ZNF534: variants seen among roughly 807,000 people sequenced by gnomAD.
The protein encoded by ZNF534 is KRAB domain only 3.
In ZNF534, 19 loss-of-function variants were observed where a neutral mutation model predicts 13.6. The ratio of observed to expected loss-of-function variants is 1.40; its 90% CI spans 0.97 to 2.05. The LOEUF (loss-of-function observed/expected upper bound fraction) is 2.05. ZNF534 is among the 30% of genes most tolerant of loss of function. The pLI is 0.00. For missense variants in ZNF534, 782 were observed against 796.3 expected (o/e 0.98, Z 0.22); for synonymous variants, 244 against 273.8 (o/e 0.89, Z 1.07).
chr19:52,451,486 C>T, exon 5 of ZNF534: 1 of 567,310 alleles, frequency 1.8e-6, no homozygotes, highest in Non-Finnish European at 3.1e-6. Flanking sequence ...GCAGAGGCTG[C>T]CGCGGAGCTA....
Position 52,431,519 on chromosome 19 carries a change from G to A in ZNF534, c.15+30G>A, listed in dbSNP as rs749597973. ...GGTAATGTTCTCAGTGGATTGTTCTGTCTCTGTTTCTTCCTGAAATGCCAG... is the reference window on the plus strand; with the variant it reads ...GGTAATGTTCTCAGTGGATTGTTCTATCTCTGTTTCTTCCTGAAATGCCAG... On this transcript the variant is annotated intron_variant, in intron 2 of 4. Transcript: ENST00000433050. The A allele has an allele frequency of 2.5e-6, 4 of 1,613,702 alleles. 1 individual carries two copies. The African/African-American group carries it at 4.0e-5, about 16-fold the overall frequency.
chr19:52,444,010 ATTT>A (rs1428735352), downstream of ZNF534, among the ~76,000 whole-genome samples: 1 of 151,220 alleles, frequency 6.6e-6, no homozygotes, highest in African/African-American at 2.4e-5. Flanking sequence ...TAAATCAGGG[ATTT>A]CTTCTTGGTT....
chr19:52,443,074 G>A (rs1291392006), downstream of ZNF534, among the ~76,000 whole-genome samples: 1 of 152,172 alleles, frequency 6.6e-6, no homozygotes, highest in Admixed American at 6.5e-5. Flanking sequence ...GGAAGGGGTG[G>A]TCACCTCCTC....
chr19:52,451,774 G>C (rs2059218152), exon 5 of ZNF534: 1 of 684,092 alleles, frequency 1.5e-6, no homozygotes, highest in African/African-American at 1.8e-5. Flanking sequence ...AGGAAATGTT[G>C]GTGTTGTACT....
Position 52,438,473 on chromosome 19 carries a change from A to G in ZNF534, c.1013A>G (p.Lys338Arg), listed in dbSNP as rs773645152. The G allele has an allele frequency of 4.3e-5, 69 of 1,599,102 alleles. No individual in the cohort carries two copies. Among genetic ancestry groups the G allele is most frequent in the Non-Finnish European group, 5.5e-5 (64 of 1,172,116 alleles). ...GAATGTGGCAAGGTCTTCAGGCATA[A>G]GTCTTCCCTAACCACTCATCAGACA... is the stretch of plus-strand genomic sequence containing the variant. ...CKECGKVFRH[K>R]SSLTTHQTVH... The change falls in exon 5 of 5, where the codon AAG becomes AGG. Residue 338 changes from lysine (K) to arginine (R), a missense_variant. Around this residue, in one of 5 missense-constraint regions of ZNF534, gnomAD observed 591 missense variants for 574.0 expected, o/e 1.03. Coordinates refer to ENST00000433050, the MANE Select transcript of ZNF534 (RefSeq NM_001143938.3).
Position 52,438,718 on chromosome 19 carries a change from A to G in ZNF534, c.1258A>G (p.Arg420Gly). The G allele has an allele frequency of 6.3e-7, 1 of 1,588,708 alleles. No homozygotes were observed. The highest frequency in any genetic ancestry group is 1.1e-5 in the South Asian group (1 of 88,682). The part of the protein sequence containing the change: ...YKCNECGKAF[R>G]TCSDLTAHLL... Reference sequence around the variant, plus strand: ...ATGTAATGAATGTGGCAAAGCATTTAGAACGTGTTCAGATCTCACTGCCCA... The same window carrying G: ...ATGTAATGAATGTGGCAAAGCATTTGGAACGTGTTCAGATCTCACTGCCCA... The change falls in exon 5 of 5, where the codon AGA (arginine) becomes GGA (glycine). Residue 420 changes from arginine to glycine, a missense_variant. Arg to Gly is a moderately radical substitution (Grantham distance 125, BLOSUM62 -2). Transcript: ENST00000433050.
exon 5 of ZNF534, chr19:52,451,413 C>G (rs1172326853): frequency 2.7e-6 from 2 of 737,318 alleles, no homozygotes; most frequent in Admixed American, 4.1e-5. Context: ...GGGCCGGGCC[C>G]GCCCCTCGGC....
At chr19:52,442,674 C>T (rs896284068), downstream of ZNF534, among the ~76,000 whole-genome samples, 2 of 152,272 alleles carry the variant, frequency 1.3e-5, no homozygotes, top group Middle Eastern at 3.4e-3. Context: ...ACTTTGAGAT[C>T]TTGACATATA....
downstream of ZNF534, among the ~76,000 whole-genome samples, chr19:52,446,912 T>C (rs1318993375): frequency 6.6e-6 from 1 of 152,220 alleles, no homozygotes; most frequent in Non-Finnish European, 1.5e-5. Context: ...AAGCCTAATA[T>C]AGATCTGCAA....
chr19:52,439,431 C>G lies in ZNF534; in HGVS notation c.1971C>G (p.Thr657=). The G allele has an allele frequency of 1.3e-6, 2 of 1,518,066 alleles. No homozygotes were observed. Among genetic ancestry groups the G allele is most frequent in the Non-Finnish European group, 8.8e-7 (1 of 1,130,842 alleles). The allele number at this position is 1,518,066 out of a possible 1,614,324, so 94.0% of individuals were successfully genotyped here. Residue 657 remains threonine, a synonymous_variant, in exon 5 of 5, where the codon ACC becomes ACG. Transcript: ENST00000433050. ...SILVQHCSIH[T]REKP ...TAGTACAACATTGCAGTATTCATAC[C>G]AGAGAGAAGCCTTAAAAATTTAGTG...
intron 2 of ZNF534, among the ~76,000 whole-genome samples, chr19:52,432,642 AT>A (rs1217604910): frequency 6.6e-6 from 1 of 151,068 alleles, no homozygotes; most frequent in African/African-American, 2.4e-5. Context: ...TTATTTATTT[AT>A]TTTTTTTGAG....
chr19:52,445,172 G>A (rs959697867), downstream of ZNF534, among the ~76,000 whole-genome samples: 25 of 148,534 alleles, frequency 1.7e-4, no homozygotes, highest in Admixed American at 6.8e-4. Context: ...AGCTTTTCCC[G>A]CTACCCTTGT....
rs779142471 is a variant in ZNF534 at position 52,438,102 on chromosome 19, C to G, written c.642C>G (p.Tyr214Ter). The part of the protein sequence containing the change: ...RQVIHIADKT[Y>*]KCSDCGEIFS... Reference sequence around the variant, plus strand: ...TAATCCACATTGCAGATAAAACTTACAAATGTAGTGACTGTGGCGAGATCT... The same window carrying G: ...TAATCCACATTGCAGATAAAACTTAGAAATGTAGTGACTGTGGCGAGATCT... Residue 214 changes from tyrosine (Y) to a stop codon, truncating the protein, a stop_gained, in exon 5 of 5, where the codon TAC becomes TAG. Coordinates refer to ENST00000433050, the MANE Select transcript of ZNF534 (RefSeq NM_001143938.3). LOFTEE classifies it low-confidence loss of function (END_TRUNC). 4 of 1,614,016 alleles carry G rather than the reference C, an allele frequency of 2.5e-6. No individual in the cohort carries two copies. Among genetic ancestry groups the G allele is most frequent in the African/African-American group, 2.7e-5 (2 of 74,926 alleles).
rs1473602066 is a variant in ZNF534 at position 52,442,105 on chromosome 19, G to T, written c.*2659G>T. 6.6e-6 allele frequency among the ~76,000 whole-genome samples: 1 copy of T among 152,178 alleles called. No individual in the cohort carries two copies. Among genetic ancestry groups the T allele is most frequent in the Non-Finnish European group, 1.5e-5 (1 of 68,044 alleles). ...ATTGTATATGCTGAGGATATCCAAG[G>T]ACCATTACTATAGAACATGAAAAGG... On this transcript the variant is annotated 3_prime_UTR_variant, in exon 5 of 5. Coordinates refer to ENST00000433050, the MANE Select transcript of ZNF534 (RefSeq NM_001143938.3).
In ZNF534 at chr19:52,439,794, C is replaced by T. The variant is rs764332808; in HGVS notation, c.*348C>T. ...AAAAAAAATGAGTGAAGCTGCCAAG[C>T]ATGGTGGCTCACGCCTTTAATCCCA... On this transcript the variant is annotated 3_prime_UTR_variant, in exon 5 of 5. Transcript: ENST00000433050. Among the ~76,000 whole-genome samples the T allele has an allele frequency of 3.3e-5, 5 of 151,282 alleles. No individual in the cohort carries two copies. Among genetic ancestry groups the T allele is most frequent in the Non-Finnish European group, 5.9e-5 (4 of 67,898 alleles).
In ZNF534 at chr19:52,451,414, G is replaced by GC. The variant is rs1172109899; in HGVS notation, c.503dup (p.Arg169SerfsTer19). The GC allele has an allele frequency of 1.4e-6, 1 of 733,974 alleles. No homozygotes were observed. The highest frequency in any genetic ancestry group is 2.4e-6 in the Non-Finnish European group (1 of 413,354). The allele number at this position is 733,974 out of a possible 1,614,324, so 45.5% of individuals were successfully genotyped here. On this transcript the variant is annotated frameshift_variant, in exon 5 of 5. Coordinates refer to the ZNF534 transcript ENST00000301085. LOFTEE classifies it low-confidence loss of function (END_TRUNC). The stretch of plus-strand genomic sequence containing the variant: ...CCACGGGACTCTCAGGGCCGGGCCC[G>GC]CCCCTCGGCCGCGCAGTGCGGCGCC...
chr19:52,443,042 T>C (rs2059182074), downstream of ZNF534, among the ~76,000 whole-genome samples: 1 of 152,196 alleles, frequency 6.6e-6, no homozygotes, highest in Admixed American at 6.5e-5. Context: ...AGGTATTGAT[T>C]ACGTGGTAGC....
At position 52,438,228 on chromosome 19, in the gene ZNF534, C is replaced by T; in HGVS notation, c.768C>T (p.His256=). ...ECGKVFNQNS[H]LAQHQKIHTG... ...GCAAAGTCTTCAATCAGAATTCACA[C>T]CTTGCACAACATCAGAAAATTCATA... is the stretch of plus-strand genomic sequence containing the variant. Residue 256 remains histidine, a synonymous_variant, in exon 5 of 5, where the codon CAC becomes CAT. Coordinates refer to ENST00000433050, the MANE Select transcript of ZNF534 (RefSeq NM_001143938.3). 1 of 1,613,984 alleles carries T rather than the reference C, an allele frequency of 6.2e-7. No homozygotes were observed. The highest frequency in any genetic ancestry group is 8.5e-7 in the Non-Finnish European group (1 of 1,179,964).
In ZNF534 at chr19:52,440,812, G is replaced by A. The variant is rs1386840840; in HGVS notation, c.*1366G>A. On this transcript the variant is annotated 3_prime_UTR_variant, in exon 5 of 5. Coordinates refer to ENST00000433050, the MANE Select transcript of ZNF534 (RefSeq NM_001143938.3). ...AAAAAAGAATTCATACTGGAAGGAAGCGTTACAAATGTAATGAATGCGGCA... is the reference window on the plus strand; with the variant it reads ...AAAAAAGAATTCATACTGGAAGGAAACGTTACAAATGTAATGAATGCGGCA... Among the ~76,000 whole-genome samples the A allele has an allele frequency of 1.3e-5, 2 of 151,150 alleles. No individual in the cohort carries two copies. Among genetic ancestry groups the A allele is most frequent in the Non-Finnish European group, 2.9e-5 (2 of 67,846 alleles).
Sources: gnomAD v4.1 joint callset for allele counts (sites outside exome capture counted in the v4.1 genomes callset) on GRCh38, gnomAD v4.1.1 for gene constraint, gnomAD v4.1.1 regional missense constraint, MANE v1.5 for transcripts, NCBI Gene and HGNC (gene_info 2026-07-23, HGNC 2026-07-21) for gene names.